Variants in SCFD2 observed in about 807,000 individuals in gnomAD.
SCFD2 encodes the protein sec1 family domain-containing protein 2.
Under a neutral mutation model 58.9 loss-of-function variants are expected in SCFD2, and 54 were observed. The ratio of observed to expected loss-of-function variants is 0.92; its 90% CI spans 0.74 to 1.15. The LOEUF is 1.15. Ranked by LOEUF, SCFD2 falls within the 50% of genes most tolerant of loss-of-function variation. The pLI is 0.00. For missense variants in SCFD2, 805 were observed against 836.6 expected, an observed-to-expected ratio of 0.96 and a Z score of 0.47; for synonymous variants, 321 against 335.9, an observed-to-expected ratio of 0.96 and a Z score of 0.49.
chr4:53,283,208 C>T (rs529664468), intron 3 of SCFD2, among the ~76,000 whole-genome samples: 139 of 152,274 alleles, frequency 9.1e-4, no homozygotes, highest in African/African-American at 3.3e-3. Context: ...ACACAACAGA[C>T]CATTTTTTGT....
intron 4 of SCFD2, among the ~76,000 whole-genome samples, chr4:53,232,467 T>A (rs2149009394): frequency 6.6e-6 from 1 of 152,326 alleles, no homozygotes; most frequent in South Asian, 2.1e-4. Flanking sequence ...AGACTAGTAT[T>A]CTTGCATTTT....
chr4:53,225,620 T>G (rs191897807), intron 4 of SCFD2, among the ~76,000 whole-genome samples: 34 of 152,360 alleles, frequency 2.2e-4, no homozygotes, highest in African/African-American at 7.7e-4. Context: ...GTTTTCTATG[T>G]TATTGCCAAA....
chr4:53,280,005 G>A (rs1731457322), intron 3 of SCFD2, among the ~76,000 whole-genome samples: 1 of 152,188 alleles, frequency 6.6e-6, no homozygotes, highest in South Asian at 2.1e-4. Flanking sequence ...AGGACACAAA[G>A]CCTAACCACA....
At position 53,004,911 on chromosome 4, in the gene SCFD2, T is replaced by G. The variant is rs181650280; in HGVS notation, c.1562-84041A>C. Reference sequence around the variant, plus strand: ...CAGACAGAAATTTCTATTCTTTATTTTAAGACAGAGTCTCGCTCTGTCGCT... The same window carrying G: ...CAGACAGAAATTTCTATTCTTTATTGTAAGACAGAGTCTCGCTCTGTCGCT... On this transcript the variant is annotated intron_variant, in intron 5 of 8. Coordinates refer to ENST00000401642, the MANE Select transcript of SCFD2 (RefSeq NM_152540.4). Among the ~76,000 whole-genome samples, 759 of 152,186 alleles carry G rather than the reference T, an allele frequency of 5.0e-3. 14 individuals are homozygous for G. Among genetic ancestry groups the G allele is most frequent in the African/African-American group, 0.018 (730 of 41,488 alleles).
At chr4:53,009,879 G>C (rs886430923) in intron 5 of SCFD2, among the ~76,000 whole-genome samples, 1 of 152,170 alleles carries the variant, frequency 6.6e-6, no homozygotes, top group Admixed American at 6.5e-5. Context: ...GGATGGCCCT[G>C]TAAACACCTT....
At chr4:53,034,964 G>GA (rs1371204405) in intron 5 of SCFD2, among the ~76,000 whole-genome samples, 2 of 152,132 alleles carry the variant, frequency 1.3e-5, no homozygotes, top group Non-Finnish European at 2.9e-5. Flanking sequence ...CACAGAATTG[G>GA]AAAAAACTAT....
At chr4:52,942,945 CA>C (rs773255911) in intron 5 of SCFD2, among the ~76,000 whole-genome samples, 5,364 of 125,892 alleles carry the variant, frequency 0.043, 87 homozygotes, top group Middle Eastern at 0.073. Flanking sequence ...AAAGTAAAAG[CA>C]AAAAAAAAAA....
At chr4:52,898,507 G>C (rs1719087191) in intron 7 of SCFD2, among the ~76,000 whole-genome samples, 1 of 152,140 alleles carries the variant, frequency 6.6e-6, no homozygotes, top group African/African-American at 2.4e-5. Context: ...ATTGCACTGT[G>C]GTCTGAGGGA....
intron 2 of SCFD2, among the ~76,000 whole-genome samples, chr4:53,324,754 G>A (rs1261629799): frequency 6.6e-6 from 1 of 152,150 alleles, no homozygotes; most frequent in Non-Finnish European, 1.5e-5. Context: ...TATTGGCTGG[G>A]AGCATAAGAG....
intron 5 of SCFD2, among the ~76,000 whole-genome samples, chr4:53,050,218 ATCTT>A (rs1215347136): frequency 1.7e-4 from 26 of 152,200 alleles, no homozygotes; most frequent in Admixed American, 3.3e-4. Context: ...GAGAAGCAAG[ATCTT>A]ACCAGGATAT....
chr4:52,924,265 T>C (rs1010664529), intron 5 of SCFD2, among the ~76,000 whole-genome samples: 2 of 152,196 alleles, frequency 1.3e-5, no homozygotes, highest in South Asian at 4.1e-4. Flanking sequence ...TCCTAGATTA[T>C]ACATGAAAGT....
chr4:53,210,376 C>A (rs139584259), intron 4 of SCFD2, among the ~76,000 whole-genome samples: 5 of 152,004 alleles, frequency 3.3e-5, no homozygotes, highest in African/African-American at 1.2e-4. Flanking sequence ...AGGGGTTCCA[C>A]GAGGTCAAAA....
intron 4 of SCFD2, among the ~76,000 whole-genome samples, chr4:53,200,446 T>C (rs1728194259): frequency 6.6e-6 from 1 of 152,102 alleles, no homozygotes; most frequent in Non-Finnish European, 1.5e-5. Context: ...TTAAAGTAGA[T>C]TTCAAATGAA....
chr4:52,947,650 C>T (rs1289544713), intron 5 of SCFD2, among the ~76,000 whole-genome samples: 1 of 151,852 alleles, frequency 6.6e-6, no homozygotes. Context: ...TGATATACTA[C>T]CAAGATGGCA....
At chr4:52,971,617 T>C (rs55872148) in intron 5 of SCFD2, among the ~76,000 whole-genome samples, 22,686 of 151,860 alleles carry the variant, frequency 0.15, 2,064 homozygotes, top group Non-Finnish European at 0.2. Flanking sequence ...GGAGAACTTC[T>C]CCAATCTAGC....
intron 4 of SCFD2, among the ~76,000 whole-genome samples, chr4:53,245,026 G>A (rs1730022409): frequency 6.6e-6 from 1 of 151,688 alleles, no homozygotes; most frequent in South Asian, 2.1e-4. Flanking sequence ...AAAAACTCCT[G>A]GACACATACA....
At chr4:52,941,937 A>G (rs1294709436) in intron 5 of SCFD2, among the ~76,000 whole-genome samples, 1 of 152,196 alleles carries the variant, frequency 6.6e-6, no homozygotes, top group African/African-American at 2.4e-5. Flanking sequence ...AAATGCTCCA[A>G]TGAGCATTTC....
intron 5 of SCFD2, among the ~76,000 whole-genome samples, chr4:53,013,566 G>A (rs1410368186): frequency 1.3e-5 from 2 of 152,162 alleles, no homozygotes; most frequent in East Asian, 3.8e-4. Flanking sequence ...TTGGTGGGGA[G>A]ATAGTCTCTA....
At chr4:53,258,275 A>T (rs1730709790) in intron 4 of SCFD2, among the ~76,000 whole-genome samples, 1 of 152,090 alleles carries the variant, frequency 6.6e-6, no homozygotes, top group Admixed American at 6.6e-5. Flanking sequence ...CCATCACCCA[A>T]GCAGTGTAAC....
Sources: gnomAD v4.1 joint callset for allele counts (sites outside exome capture counted in the v4.1 genomes callset) on GRCh38, gnomAD v4.1.1 for gene constraint, MANE v1.5 for transcripts, NCBI Gene and HGNC (gene_info 2026-07-23, HGNC 2026-07-21) for gene names.